Variants in PRELID2 observed in about 807,000 individuals in gnomAD.
PRELID2 encodes PRELI domain-containing protein 2.
A neutral mutation model predicts 28.4 loss-of-function variants in PRELID2; 25 were observed. That is an observed-to-expected ratio of 0.88 (90% CI 0.64 to 1.23). The LOEUF (loss-of-function observed/expected upper bound fraction) is 1.23. Ranked by LOEUF, PRELID2 falls within the 50% of genes most tolerant of loss-of-function variation. The pLI is 0.00. For missense variants in PRELID2, 201 were observed against 214.4 expected (o/e 0.94, Z 0.39); for synonymous variants, 76 against 71.6 (o/e 1.06, Z -0.31).
chr5:145,665,400 G>GAA (rs1344243910), intron 1 of PRELID2, among the ~76,000 whole-genome samples: 1 of 152,000 alleles, frequency 6.6e-6, no homozygotes. Flanking sequence ...CCAGGATTGG[G>GAA]AAAAGACAGC....
Position 145,768,624 on chromosome 5 carries a change from C to T in PRELID2, c.475-3624G>A, listed in dbSNP as rs192845431. The stretch of plus-strand genomic sequence containing the variant: ...TTACAGAGTAGAGCATAAATCCAGA[C>T]GGTATGACTTTAAAATAAGAAAAGC... On this transcript the variant is annotated intron_variant, in intron 5 of 6. Coordinates refer to ENST00000683046, the MANE Select transcript of PRELID2 (RefSeq NM_205846.3). Among the ~76,000 whole-genome samples, 293 of 152,234 alleles carry T rather than the reference C, an allele frequency of 1.9e-3. 2 individuals are homozygous for T. Among genetic ancestry groups the T allele is most frequent in the African/African-American group, 6.2e-3 (257 of 41,552 alleles).
chr5:145,764,264 G>A lies in PRELID2; in HGVS notation c.*10+667C>T, dbSNP rs189972833. The stretch of plus-strand genomic sequence containing the variant: ...ATAGAAATTTAGGAGGTGGGGGTAG[G>A]GAGTTGAGTAGTTCTGCAATCCCCC... On this transcript the variant is annotated intron_variant, in intron 6 of 6. Transcript: ENST00000683046. 4.6e-5 allele frequency among the ~76,000 whole-genome samples: 7 copies of A among 152,262 alleles called. No individual in the cohort carries two copies. The East Asian group carries it at 1.4e-3, about 29-fold the overall frequency.
chr5:145,430,373 C>T, the PRELID2 span, among the ~76,000 whole-genome samples: 1 of 152,160 alleles, frequency 6.6e-6, no homozygotes, highest in East Asian at 1.9e-4. Context: ...TCATGGTACA[C>T]AACTTATGAG....
At chr5:145,422,777 T>A in the PRELID2 span, among the ~76,000 whole-genome samples, 134 of 152,154 alleles carry the variant, frequency 8.8e-4, 1 homozygote, top group South Asian at 6.0e-3. Flanking sequence ...ATCCTGTCAT[T>A]ATGATGTTAG....
At chr5:145,309,589 C>T in the PRELID2 span, among the ~76,000 whole-genome samples, 1 of 152,114 alleles carries the variant, frequency 6.6e-6, no homozygotes, top group Admixed American at 6.6e-5. Context: ...ATCAAAAATT[C>T]CCTTTTATTT....
chr5:145,403,081 G>C, the PRELID2 span, among the ~76,000 whole-genome samples: 1 of 152,044 alleles, frequency 6.6e-6, no homozygotes, highest in Non-Finnish European at 1.5e-5. Flanking sequence ...TCTTCCCTTA[G>C]AAGGTAGAGC....
At chr5:145,380,245 C>A in the PRELID2 span, among the ~76,000 whole-genome samples, 1,339 of 152,280 alleles carry the variant, frequency 8.8e-3, 22 homozygotes, top group African/African-American at 0.03. Context: ...CCTCCAGAGC[C>A]ATTGGGGGCC....
chr5:145,699,077 A>G (rs1755348447), intron 1 of PRELID2, among the ~76,000 whole-genome samples: 1 of 152,150 alleles, frequency 6.6e-6, no homozygotes, highest in African/African-American at 2.4e-5. Flanking sequence ...AATTCAACAT[A>G]AGAATCTTGG....
At chr5:145,593,511 G>A (rs1753259802) in intron 1 of PRELID2, among the ~76,000 whole-genome samples, 1 of 152,106 alleles carries the variant, frequency 6.6e-6, no homozygotes, top group Admixed American at 6.6e-5. Flanking sequence ...TTTAAAATAT[G>A]AATTTATAGT....
intron 1 of PRELID2, among the ~76,000 whole-genome samples, chr5:145,588,719 A>G (rs78219072): frequency 6.6e-6 from 1 of 151,944 alleles, no homozygotes; most frequent in African/African-American, 2.4e-5. Context: ...CCTTTGCCCA[A>G]TCTGAGACGC....
At chr5:145,714,388 C>G (rs916261138) in intron 1 of PRELID2, among the ~76,000 whole-genome samples, 3 of 152,100 alleles carry the variant, frequency 2.0e-5, no homozygotes, top group African/African-American at 7.2e-5. Context: ...GTATTAATAT[C>G]CTTCTTGGAC....
the PRELID2 span, among the ~76,000 whole-genome samples, chr5:145,385,224 T>C: frequency 6.6e-6 from 1 of 152,302 alleles, no homozygotes; most frequent in African/African-American, 2.4e-5. Context: ...AAAATTAGAA[T>C]TGAAAATGCC....
chr5:145,372,526 G>A, the PRELID2 span, among the ~76,000 whole-genome samples: 1 of 151,908 alleles, frequency 6.6e-6, no homozygotes, highest in African/African-American at 2.4e-5. Flanking sequence ...GAATCTGGGT[G>A]CTCTTGTATT....
chr5:145,231,439 A>G, the PRELID2 span, among the ~76,000 whole-genome samples: 1 of 152,160 alleles, frequency 6.6e-6, no homozygotes, highest in Admixed American at 6.5e-5. Flanking sequence ...AGTGGCCTAC[A>G]CTGAGGGAGA....
intron 1 of PRELID2, among the ~76,000 whole-genome samples, chr5:145,715,933 T>C (rs1041224359): frequency 6.6e-6 from 1 of 152,224 alleles, no homozygotes; most frequent in Non-Finnish European, 1.5e-5. Flanking sequence ...TATTTATTTG[T>C]TTAGGTCTAA....
rs78991033 is a variant in PRELID2 at position 145,796,008 on chromosome 5, G to A, written c.474+434C>T. On this transcript the variant is annotated intron_variant, in intron 5 of 6. Coordinates refer to ENST00000683046, the MANE Select transcript of PRELID2 (RefSeq NM_205846.3). ...TGTATTTTCCTCATCCATAATATTA[G>A]GACAACAATAACAGCTCCTGCAAAG... The A allele has an allele frequency of 7.0e-4, 107 of 153,346 alleles. 1 individual carries two copies. The East Asian group carries it at 0.019, about 27-fold the overall frequency. 9.5% of individuals were successfully genotyped at this position (153,346 alleles called of 1,614,324 possible).
In PRELID2 at chr5:145,619,349, G is replaced by A. The variant is rs138115337; in HGVS notation, n.70+145582C>T. The stretch of plus-strand genomic sequence containing the variant: ...TGTTAGGCAGGAATGGCCTGTGTGG[G>A]GACGCAGGAAGCTCCCAGGGCCTTT... On this transcript the variant is annotated intron_variant and non_coding_transcript_variant, in intron 1 of 2. Transcript: ENST00000510259. Among the ~76,000 whole-genome samples, 90 of 152,320 alleles carry A rather than the reference G, an allele frequency of 5.9e-4. 1 individual carries two copies. In the East Asian group the frequency reaches 0.016, roughly 26 times the overall value.
intron 4 of PRELID2, among the ~76,000 whole-genome samples, chr5:145,802,456 C>T (rs1289300315): frequency 6.6e-6 from 1 of 152,082 alleles, no homozygotes; most frequent in African/African-American, 2.4e-5. Flanking sequence ...ATCAATAATG[C>T]ACTTAGGAAG....
chr5:145,431,013 T>TG, the PRELID2 span, among the ~76,000 whole-genome samples: 1 of 139,780 alleles, frequency 7.2e-6, no homozygotes, highest in Non-Finnish European at 1.5e-5. Context: ...ATGGTTTTTT[T>TG]TTTTTTTTTT....
Sources: gnomAD v4.1 joint callset for allele counts (sites outside exome capture counted in the v4.1 genomes callset) on GRCh38, gnomAD v4.1.1 for gene constraint, MANE v1.5 for transcripts, NCBI Gene and HGNC (gene_info 2026-07-23, HGNC 2026-07-21) for gene names.